Variants in RBMS3 observed in about 807,000 individuals in gnomAD.
The protein encoded by RBMS3 is RNA-binding motif, single-stranded-interacting protein 3.
A neutral mutation model predicts 66.8 loss-of-function variants in RBMS3; 27 were observed. That is an observed-to-expected ratio of 0.40 (90% CI 0.30 to 0.56). The LOEUF is 0.56. Among genes scored for constraint, RBMS3 ranks in the 20% least tolerant of loss-of-function variants. RBMS3 has a pLI of 0.40. For missense variants in RBMS3, 513 were observed against 549.5 expected, an observed-to-expected ratio of 0.93 and a Z score of 0.66; for synonymous variants, 188 against 183.0, an observed-to-expected ratio of 1.03 and a Z score of -0.22.
chr3:29,991,319 G>A (rs947742649), intron 14 of RBMS3, 110 bp downstream of exon 14: 3 of 1,521,006 alleles, frequency 2.0e-6, no homozygotes, highest in East Asian at 2.3e-5. Flanking sequence ...CCCAAACTTA[G>A]CAACAGGCAT....
intron 1 of RBMS3, among the ~76,000 whole-genome samples, chr3:29,365,715 C>T (rs573253170): frequency 1.3e-5 from 2 of 152,286 alleles, no homozygotes; most frequent in South Asian, 4.1e-4. Context: ...AAATCATTCT[C>T]CTTCACTTCT....
At chr3:29,480,678 A>T (rs772346179) in intron 2 of RBMS3, among the ~76,000 whole-genome samples, 8 of 152,350 alleles carry the variant, frequency 5.3e-5, no homozygotes, top group Non-Finnish European at 1.0e-4. Context: ...TAATACAAAG[A>T]AAGAAGTAGC....
Position 29,884,211 on chromosome 3 carries a change from A to G in RBMS3, c.791+3A>G, listed in dbSNP as rs901621177. ...CCCACAGCTGCCATACAGAATGGGTAAGTAGATCACATTTTCTCTATTTTA... is the reference window on the plus strand; with the variant it reads ...CCCACAGCTGCCATACAGAATGGGTGAGTAGATCACATTTTCTCTATTTTA... On this transcript the variant is annotated splice_donor_region_variant and intron_variant, in intron 8 of 14. Coordinates refer to ENST00000383767, the MANE Select transcript of RBMS3 (RefSeq NM_001003793.3). The G allele has an allele frequency of 3.2e-5, 51 of 1,606,584 alleles. No homozygotes were observed. Among genetic ancestry groups the G allele is most frequent in the Non-Finnish European group, 4.3e-5 (51 of 1,174,002 alleles).
chr3:29,307,805 T>C (rs9831559), intron 1 of RBMS3, among the ~76,000 whole-genome samples: 37,796 of 151,812 alleles, frequency 0.25, 4,873 homozygotes, highest in Middle Eastern at 0.33. Context: ...GTCTATGATA[T>C]GAGAAAGCAC....
At chr3:29,627,300 G>C (rs201262201) in intron 4 of RBMS3, among the ~76,000 whole-genome samples, 9 of 147,060 alleles carry the variant, frequency 6.1e-5, no homozygotes, top group South Asian at 2.2e-4. Context: ...CTCTCTCTCT[G>C]TCTCTCTCTC....
chr3:29,972,757 G>A (rs1697309323), intron 12 of RBMS3, among the ~76,000 whole-genome samples: 1 of 152,022 alleles, frequency 6.6e-6, no homozygotes, highest in South Asian at 2.1e-4. Flanking sequence ...TGTGGAAATG[G>A]AATTTACTCT....
At chr3:29,286,135 A>C (rs749610171) in intron 1 of RBMS3, among the ~76,000 whole-genome samples, 1 of 152,140 alleles carries the variant, frequency 6.6e-6, no homozygotes, top group Admixed American at 6.5e-5. Flanking sequence ...TACAACTCCA[A>C]ATATTTTCTT....
chr3:29,288,024 G>A (rs535274637), intron 1 of RBMS3, among the ~76,000 whole-genome samples: 23 of 151,914 alleles, frequency 1.5e-4, no homozygotes, highest in Admixed American at 6.6e-4. Flanking sequence ...GTGGAATCAC[G>A]AATAAAATTT....
intron 1 of RBMS3, among the ~76,000 whole-genome samples, chr3:29,407,453 T>G (rs1366941925): frequency 1.3e-5 from 2 of 152,214 alleles, no homozygotes; most frequent in Non-Finnish European, 2.9e-5. Flanking sequence ...AATCTACTCA[T>G]GATAATTTGG....
intron 3 of RBMS3, among the ~76,000 whole-genome samples, chr3:29,522,825 A>G (rs962193578): frequency 2.8e-4 from 43 of 152,328 alleles, no homozygotes; most frequent in Admixed American, 1.2e-3. Context: ...GACTGGTTCT[A>G]TAGACCAACA....
At chr3:29,900,053 G>C (rs963283005) in intron 10 of RBMS3, among the ~76,000 whole-genome samples, 6 of 151,728 alleles carry the variant, frequency 4.0e-5, no homozygotes, top group African/African-American at 1.4e-4. Context: ...CATTCAAGCT[G>C]AGTCTACCAT....
intron 4 of RBMS3, among the ~76,000 whole-genome samples, chr3:29,733,765 G>A (rs886145770): frequency 5.9e-5 from 9 of 151,942 alleles, no homozygotes; most frequent in African/African-American, 1.7e-4. Context: ...CCATTAGCCC[G>A]TTTTTGCTTT....
intron 3 of RBMS3, among the ~76,000 whole-genome samples, chr3:29,567,666 T>C (rs1261555814): frequency 1.3e-5 from 2 of 150,300 alleles, no homozygotes; most frequent in Admixed American, 6.7e-5. Flanking sequence ...CCCTGTTGGG[T>C]TGTTATGAGG....
intron 1 of RBMS3, among the ~76,000 whole-genome samples, chr3:29,395,701 G>T (rs944483770): frequency 2.0e-5 from 3 of 152,044 alleles, no homozygotes; most frequent in African/African-American, 7.2e-5. Flanking sequence ...TCTTGTAATG[G>T]TTAAATTAAA....
At chr3:29,509,283 C>T (rs984125228) in intron 3 of RBMS3, among the ~76,000 whole-genome samples, 1 of 152,106 alleles carries the variant, frequency 6.6e-6, no homozygotes, top group African/African-American at 2.4e-5. Context: ...ATTTACATGC[C>T]ACATGGAAAA....
chr3:30,000,979 G>A (rs535163806), intron 14 of RBMS3, among the ~76,000 whole-genome samples: 133 of 151,918 alleles, frequency 8.8e-4, no homozygotes, highest in African/African-American at 3.1e-3. Flanking sequence ...TGGCATGTGT[G>A]TATACCTATG....
intron 12 of RBMS3, among the ~76,000 whole-genome samples, chr3:29,964,737 A>G (rs1225579677): frequency 1.3e-5 from 2 of 152,068 alleles, no homozygotes; most frequent in Non-Finnish European, 2.9e-5. Flanking sequence ...TTATTTTTCC[A>G]TAAGTTATTG....
At chr3:29,588,341 G>A (rs1028673733) in intron 4 of RBMS3, among the ~76,000 whole-genome samples, 1 of 152,040 alleles carries the variant, frequency 6.6e-6, no homozygotes, top group Non-Finnish European at 1.5e-5. Context: ...TTCATGCTCT[G>A]CTCGTGTATA....
chr3:29,787,749 G>A (rs1278544286), intron 6 of RBMS3, among the ~76,000 whole-genome samples: 1 of 152,034 alleles, frequency 6.6e-6, no homozygotes, highest in Non-Finnish European at 1.5e-5. Context: ...TGCTGCTAGG[G>A]TCATGGGTGC....
Sources: allele counts gnomAD v4.1 joint callset (sites outside exome capture counted in the v4.1 genomes callset), GRCh38; gene constraint gnomAD v4.1.1; transcripts MANE v1.5; gene names NCBI Gene and HGNC (gene_info 2026-07-23, HGNC 2026-07-21).